PCDHGA1: variants seen among roughly 807,000 people sequenced by gnomAD.
PCDHGA1 encodes protocadherin gamma-A1.
A neutral mutation model predicts 58.0 loss-of-function variants in PCDHGA1; 32 were observed. The observed-to-expected ratio is 0.55, with a 90% confidence interval of 0.42 to 0.74. The LOEUF is 0.74. Ranked by LOEUF, PCDHGA1 falls within the 30% of genes least tolerant of loss-of-function variation. The probability of loss-of-function intolerance (pLI) is 0.00; values close to 1 mark genes in which losing one functional copy is unlikely to be tolerated. For missense variants in PCDHGA1, 1,205 were observed against 1,182.3 expected (o/e 1.02, Z -0.28); for synonymous variants, 498 against 501.1 (o/e 0.99, Z 0.08).
At chr5:141,339,862 A>T in intron 1 of PCDHGA1, 1 of 1,614,158 alleles carries the variant, frequency 6.2e-7, no homozygotes, top group Admixed American at 1.7e-5. Context: ...TTAAGTCAAC[A>T]TCTGGAGAAC....
chr5:141,340,470 C>T, intron 1 of PCDHGA1: 1 of 1,614,228 alleles, frequency 6.2e-7, no homozygotes, highest in Non-Finnish European at 8.5e-7. Flanking sequence ...CAGGGGGCAC[C>T]CTTATCCTCT....
Position 141,486,824 on chromosome 5 carries a change from G to A in PCDHGA1, c.2422-7983G>A, listed in dbSNP as rs749609525. On this transcript the variant is annotated intron_variant, in intron 1 of 3. Coordinates refer to ENST00000517417, the MANE Select transcript of PCDHGA1 (RefSeq NM_018912.3). The surrounding 1 kb of genome is among the most constrained non-coding windows in gnomAD (Gnocchi z 5.0). ...CCCACCCCTTAGCAGCACTGTAACA[G>A]TTCGTCTATTTGTGCTGGACCTCAA... is the stretch of plus-strand genomic sequence containing the variant. 1 of 1,614,218 alleles carries A rather than the reference G, an allele frequency of 6.2e-7. No homozygotes were observed. Among genetic ancestry groups the A allele is most frequent in the Non-Finnish European group, 8.5e-7 (1 of 1,180,028 alleles).
intron 1 of PCDHGA1, chr5:141,364,881 G>T (rs1274418788): frequency 3.1e-6 from 5 of 1,614,016 alleles, no homozygotes; most frequent in Non-Finnish European, 4.2e-6. Context: ...GATGTGGTAA[G>T]CGGAACTGAT....
At chr5:141,370,264 C>A in intron 1 of PCDHGA1, 2 of 752,616 alleles carry the variant, frequency 2.7e-6, no homozygotes, top group Non-Finnish European at 4.2e-6. Flanking sequence ...AGGCTTCCTG[C>A]AGCGGAGACA....
In PCDHGA1 at chr5:141,331,702, G is replaced by T; in HGVS notation, c.1018G>T (p.Val340Leu). The T allele has an allele frequency of 6.2e-7, 1 of 1,614,058 alleles. No homozygotes were observed. Among genetic ancestry groups the T allele is most frequent in the Non-Finnish European group, 8.5e-7 (1 of 1,180,022 alleles). Residue 340 changes from valine to leucine, a missense_variant, in exon 1 of 4, where the codon GTA (valine) becomes TTA (leucine). Transcript: ENST00000517417. ...TAAGGTACTGATCAAAGTTTTGGATGTAAATGATAATGCCCCAGAAGTGAC... is the reference window on the plus strand; with the variant it reads ...TAAGGTACTGATCAAAGTTTTGGATTTAAATGATAATGCCCCAGAAGTGAC... ...KVKVLIKVLD[V>L]NDNAPEVTIT...
Position 141,332,086 on chromosome 5 carries a change from G to A in PCDHGA1, c.1402G>A (p.Gly468Arg), listed in dbSNP as rs1227304243. ...SAYIPENNPR[G>R]ASIFSVRAHD... Reference sequence around the variant, plus strand: ...CTACATTCCCGAAAACAACCCCAGAGGAGCCTCCATCTTCTCTGTGAGGGC... The same window carrying A: ...CTACATTCCCGAAAACAACCCCAGAAGAGCCTCCATCTTCTCTGTGAGGGC... Residue 468 changes from glycine (G) to arginine (R), a missense_variant, in exon 1 of 4, where the codon GGA becomes AGA. Gly to Arg is a moderately radical substitution (Grantham distance 125). Coordinates refer to ENST00000517417, the MANE Select transcript of PCDHGA1 (RefSeq NM_018912.3). This position sits in a 1 kb window ranked among gnomAD's most constrained non-coding sequence, Gnocchi z 4.6. 1 of 1,614,060 alleles carries A rather than the reference G, an allele frequency of 6.2e-7. No homozygotes were observed. The highest frequency in any genetic ancestry group is 2.2e-5 in the East Asian group (1 of 44,870).
At chr5:141,360,905 C>T (rs368319132) in intron 1 of PCDHGA1, 199 of 1,613,890 alleles carry the variant, frequency 1.2e-4, no homozygotes, top group Middle Eastern at 3.3e-4. Context: ...GACGTGCCGC[C>T]GGGCTTCTTT....
intron 1 of PCDHGA1, chr5:141,387,998 C>T: frequency 6.7e-7 from 1 of 1,485,204 alleles, no homozygotes; most frequent in South Asian, 1.3e-5. Flanking sequence ...ACAGGATTCC[C>T]GAGGAAATGC....
At chr5:141,442,205 A>G (rs2098308049) in intron 1 of PCDHGA1, 1 of 153,214 alleles carries the variant, frequency 6.5e-6, no homozygotes, top group Admixed American at 6.5e-5. Context: ...ATATCTGGTG[A>G]TTGCCTTAGC....
intron 1 of PCDHGA1, chr5:141,408,336 C>T: frequency 6.2e-7 from 1 of 1,613,910 alleles, no homozygotes; most frequent in Non-Finnish European, 8.5e-7. Flanking sequence ...GCCAAGGGCT[C>T]GGTGGTGGGG....
chr5:141,384,522 T>A, intron 1 of PCDHGA1: 2 of 1,614,192 alleles, frequency 1.2e-6, no homozygotes, highest in Non-Finnish European at 1.7e-6. Flanking sequence ...GGGACCCGCC[T>A]CTCAGCAGCA....
At chr5:141,410,765 T>C (rs1238144239) in intron 1 of PCDHGA1, 1 of 1,066,570 alleles carries the variant, frequency 9.4e-7, no homozygotes, top group Non-Finnish European at 1.3e-6. Flanking sequence ...TTTTCAATTA[T>C]AGTTTTCACT....
chr5:141,404,741 G>C, intron 1 of PCDHGA1: 1 of 1,614,072 alleles, frequency 6.2e-7, no homozygotes, highest in South Asian at 1.1e-5. Context: ...AGTGGACAGA[G>C]ACTCAGGCCA....
At chr5:141,409,096 A>T (rs968537361) in intron 1 of PCDHGA1, 8 of 1,613,956 alleles carry the variant, frequency 5.0e-6, no homozygotes, top group African/African-American at 1.3e-5. Flanking sequence ...ATGAGAAAAC[A>T]GGTATGATTA....
At chr5:141,460,047 C>T (rs2098981053) in intron 1 of PCDHGA1, among the ~76,000 whole-genome samples, 1 of 152,102 alleles carries the variant, frequency 6.6e-6, no homozygotes. Context: ...CACTGCACTC[C>T]AGCCTGGGCA....
At chr5:141,375,448 A>G in intron 1 of PCDHGA1, 2 of 1,613,844 alleles carry the variant, frequency 1.2e-6, no homozygotes, top group South Asian at 1.1e-5. Flanking sequence ...TCCCCCATTC[A>G]TCCTACTCAG....
chr5:141,352,902 C>G (rs1561504413), intron 1 of PCDHGA1, among the ~76,000 whole-genome samples: 1 of 152,122 alleles, frequency 6.6e-6, no homozygotes, highest in Non-Finnish European at 1.5e-5. Flanking sequence ...ACAGGAGGAT[C>G]GCTTGAGCCC....
intron 1 of PCDHGA1, chr5:141,383,515 C>T (rs749503295): frequency 1.2e-6 from 2 of 1,612,350 alleles, no homozygotes; most frequent in South Asian, 2.2e-5. Flanking sequence ...GGAGGAAGAG[C>T]GGGTTCACCA....
At chr5:141,510,785 C>G (rs951225541) in intron 3 of PCDHGA1, among the ~76,000 whole-genome samples, 162 bp from the exon 4 acceptor site, 1 of 152,150 alleles carries the variant, frequency 6.6e-6, no homozygotes, top group Non-Finnish European at 1.5e-5. Flanking sequence ...ACCCTCAACT[C>G]TTGTGAAGAG....
Sources: gnomAD v4.1 joint callset for allele counts (sites outside exome capture counted in the v4.1 genomes callset) on GRCh38, gnomAD v4.1.1 for gene constraint, Gnocchi (gnomAD v3.1) non-coding constraint, MANE v1.5 for transcripts, NCBI Gene and HGNC (gene_info 2026-07-23, HGNC 2026-07-21) for gene names.